Variants in MGLL observed in about 807,000 individuals in gnomAD.
MGLL encodes the protein lysophospholipase homolog.
MGLL carries 7 observed loss-of-function variants against 29.1 expected under a neutral mutation model. That is an observed-to-expected ratio of 0.24 (90% CI 0.14 to 0.45). The LOEUF (loss-of-function observed/expected upper bound fraction) is 0.45, where lower values mean the gene tolerates loss of function less well. MGLL is among the 20% of genes least tolerant of loss of function. MGLL has a pLI of 0.99. For missense variants in MGLL, 356 were observed against 413.6 expected (o/e 0.86, Z 1.21); for synonymous variants, 148 against 168.3 (o/e 0.88, Z 0.93).
Position 127,781,818 on chromosome 3 carries a change from A to G in MGLL, c.233T>C (p.Leu78Pro). Residue 78 changes from leucine to proline, a missense_variant, in exon 3 of 8, where the codon CTG becomes CCG. Transcript: ENST00000265052. The stretch of plus-strand genomic sequence containing the variant: ...GTCGTGGGCGAACACCAGCAGGTCC[A>G]GCCCCATCAGCATCCGAGCCAGCTC... Reference protein sequence around the residue: ...YEELARMLMGLDLLVFAHDHV... With the variant: ...YEELARMLMGPDLLVFAHDHV... The G allele has an allele frequency of 6.2e-7, 1 of 1,614,096 alleles. No homozygotes were observed. Among genetic ancestry groups the G allele is most frequent in the Non-Finnish European group, 8.5e-7 (1 of 1,180,018 alleles).
chr3:127,693,689 G>A (rs1324388691), intron 7 of MGLL, among the ~76,000 whole-genome samples: 2 of 152,108 alleles, frequency 1.3e-5, no homozygotes, highest in Non-Finnish European at 2.9e-5. Context: ...TAGGGGCACC[G>A]ACTCCTCTCC....
chr3:127,734,118 C>T (rs1444714388), intron 3 of MGLL, among the ~76,000 whole-genome samples: 2 of 152,322 alleles, frequency 1.3e-5, no homozygotes, highest in East Asian at 1.9e-4. Context: ...AGCCCACCCC[C>T]TTAACCCTGT....
intron 3 of MGLL, among the ~76,000 whole-genome samples, chr3:127,722,887 G>A (rs555755321): frequency 6.6e-6 from 1 of 152,320 alleles, no homozygotes; most frequent in East Asian, 1.9e-4. Context: ...GAGAGCCTCA[G>A]CATGCCCAGT....
At chr3:127,744,250 A>G (rs1056603780) in intron 3 of MGLL, among the ~76,000 whole-genome samples, 3 of 152,212 alleles carry the variant, frequency 2.0e-5, no homozygotes, top group Non-Finnish European at 2.9e-5. Context: ...AAAACATCCT[A>G]CTCTCCACTG....
chr3:127,804,349 T>C (rs550215462), intron 2 of MGLL, among the ~76,000 whole-genome samples: 2 of 152,326 alleles, frequency 1.3e-5, no homozygotes, highest in East Asian at 3.9e-4. Context: ...ATGTCACGTC[T>C]GCTTAAAGCC....
chr3:127,742,449 GC>G (rs2076359421), intron 3 of MGLL, among the ~76,000 whole-genome samples: 2 of 152,054 alleles, frequency 1.3e-5, no homozygotes, highest in African/African-American at 2.4e-5. Flanking sequence ...AATGAGCCAG[GC>G]TTGGTGGTGG....
At position 127,691,865 on chromosome 3, in the gene MGLL, C is replaced by T. The variant is rs1282203626; in HGVS notation, c.*333G>A. 2.9e-6 allele frequency: 1 copy of T among 342,086 alleles called. No individual in the cohort carries two copies. The highest frequency in any genetic ancestry group is 2.2e-5 in the African/African-American group (1 of 46,396). The allele number at this position is 342,086 out of a possible 1,614,324, so 21.2% of individuals were successfully genotyped here. A position where few individuals can be genotyped will look rare whatever the true frequency, so the allele number is the denominator to read the frequency against. On this transcript the variant is annotated 3_prime_UTR_variant, in exon 8 of 8. Coordinates refer to ENST00000265052, the MANE Select transcript of MGLL (RefSeq NM_007283.7). ...TTGCAGTCTGGTGTCCTGGGAACAC[C>T]AGGAATTCCTGGAACCCTTGTGGGA...
chr3:127,822,222 A>G, intron 1 of MGLL, 87 bp downstream of exon 1: 1 of 1,459,354 alleles, frequency 6.9e-7, no homozygotes, highest in Non-Finnish European at 9.6e-7. Flanking sequence ...AAAATCTCCA[A>G]GGAACAGTTT....
rs867060419 is a variant in MGLL at position 127,821,241 on chromosome 3, T to C, written c.155+453A>G. Among the ~76,000 whole-genome samples, 5 of 152,262 alleles carry C rather than the reference T, an allele frequency of 3.3e-5. No homozygotes were observed. In the South Asian group the frequency reaches 8.3e-4, roughly 25 times the overall value. On this transcript the variant is annotated intron_variant, in intron 2 of 7. Coordinates refer to ENST00000265052, the MANE Select transcript of MGLL (RefSeq NM_007283.7). ...AATCAGAAGGAAATACCCAGGCCCCTTTCTTCCTGGTGACACATGTATGCC... is the reference window on the plus strand; with the variant it reads ...AATCAGAAGGAAATACCCAGGCCCCCTTCTTCCTGGTGACACATGTATGCC...
chr3:127,745,540 C>CGT (rs1485617935), intron 3 of MGLL, among the ~76,000 whole-genome samples: 1 of 151,944 alleles, frequency 6.6e-6, no homozygotes, highest in Non-Finnish European at 1.5e-5. Context: ...ACACTGGAGG[C>CGT]GTGGAAGGAT....
chr3:127,795,649 AG>A (rs2077371064), intron 2 of MGLL, among the ~76,000 whole-genome samples: 1 of 152,246 alleles, frequency 6.6e-6, no homozygotes, highest in African/African-American at 2.4e-5. Context: ...TACCTTAAGT[AG>A]TAACTAAAAA....
rs554148013 is a variant in MGLL, at chr3:127,790,272, A to C, written c.156-8377T>G. Among the ~76,000 whole-genome samples the C allele has an allele frequency of 6.6e-5, 10 of 152,360 alleles. No individual in the cohort carries two copies. The South Asian group carries it at 2.1e-3, about 32-fold the overall frequency. On this transcript the variant is annotated intron_variant, in intron 2 of 7. Transcript: ENST00000265052. Reference sequence around the variant, plus strand: ...TTGGTAATGAGTGAAACACGAGCCCAGCGTGCATCGGAGCACTCAACCCAC... The same window carrying C: ...TTGGTAATGAGTGAAACACGAGCCCCGCGTGCATCGGAGCACTCAACCCAC...
chr3:127,821,911 A>G, intron 1 of MGLL, 73 bp from the exon 2 acceptor site: 1 of 1,491,232 alleles, frequency 6.7e-7, no homozygotes, highest in Non-Finnish European at 9.1e-7. Flanking sequence ...AGAAAAGTCT[A>G]GTTCAGAGTC....
At chr3:127,722,359 G>C (rs1299945794) in intron 4 of MGLL, 71 bp downstream of exon 4, 15 of 1,604,232 alleles carry the variant, frequency 9.4e-6, no homozygotes, top group Non-Finnish European at 1.2e-5. Context: ...AGGAAGTCAG[G>C]GCCACCCCCT....
intron 3 of MGLL, among the ~76,000 whole-genome samples, chr3:127,758,649 C>G (rs141874133): frequency 6.6e-6 from 1 of 152,172 alleles, no homozygotes; most frequent in Non-Finnish European, 1.5e-5. Flanking sequence ...TCGGCTGTAC[C>G]GAGCGAGGAG....
At chr3:127,787,709 C>G (rs774039627) in intron 2 of MGLL, among the ~76,000 whole-genome samples, 1 of 152,228 alleles carries the variant, frequency 6.6e-6, no homozygotes, top group Non-Finnish European at 1.5e-5. Flanking sequence ...GCCTGCCGCT[C>G]CAGGCAGTGC....
At chr3:127,719,892 T>A (rs1233906254) in intron 5 of MGLL, among the ~76,000 whole-genome samples, 1 of 152,154 alleles carries the variant, frequency 6.6e-6, no homozygotes, top group Non-Finnish European at 1.5e-5. Context: ...ACTAAGTAAA[T>A]CATCGTTCTC....
chr3:127,802,806 G>A (rs1421786404), intron 2 of MGLL, among the ~76,000 whole-genome samples: 2 of 152,300 alleles, frequency 1.3e-5, no homozygotes, highest in East Asian at 3.9e-4. Context: ...TGCCCTTCTG[G>A]GAAATCACTG....
intron 3 of MGLL, among the ~76,000 whole-genome samples, chr3:127,726,596 T>C (rs563653889): frequency 6.6e-6 from 1 of 152,046 alleles, no homozygotes; most frequent in African/African-American, 2.4e-5. Context: ...GCCCAGCTAA[T>C]TTTTTTCTAT....
Sources: allele counts gnomAD v4.1 joint callset (sites outside exome capture counted in the v4.1 genomes callset), GRCh38; gene constraint gnomAD v4.1.1; transcripts MANE v1.5; gene names NCBI Gene and HGNC (gene_info 2026-07-23, HGNC 2026-07-21).